SH2B2: variants seen among roughly 807,000 people sequenced by gnomAD.
The protein encoded by SH2B2 is SH2B adaptor protein 2.
SH2B2 carries 37 observed loss-of-function variants against 35.7 expected under a neutral mutation model. The ratio of observed to expected loss-of-function variants is 1.04; its 90% CI spans 0.80 to 1.36. SH2B2 has a LOEUF of 1.36. Among genes scored for constraint, SH2B2 ranks in the 40% most tolerant of loss-of-function variants. The pLI is 0.00. For missense variants in SH2B2, 852 were observed against 817.7 expected (o/e 1.04, Z -0.51); for synonymous variants, 383 against 376.4 (o/e 1.02, Z -0.20).
chr7:102,294,064 T>C (rs1178866226), intron 1 of SH2B2, among the ~76,000 whole-genome samples: 1 of 152,220 alleles, frequency 6.6e-6, no homozygotes, highest in African/African-American at 2.4e-5. Flanking sequence ...AGAGTCTCGC[T>C]CTGTTGCCCA....
intron 7 of SH2B2, among the ~76,000 whole-genome samples, 173 bp downstream of exon 7, chr7:102,317,568 C>T (rs546161096): frequency 9.8e-5 from 15 of 152,290 alleles, no homozygotes; most frequent in African/African-American, 3.6e-4. Flanking sequence ...ACCTGCGTCC[C>T]TCCTACACAT....
At chr7:102,289,172 A>C (rs1792575810) in intron 1 of SH2B2, among the ~76,000 whole-genome samples, 1 of 152,188 alleles carries the variant, frequency 6.6e-6, no homozygotes, top group Non-Finnish European at 1.5e-5. Flanking sequence ...GGCGTGCAGC[A>C]TCTTTTGGTT....
Position 102,289,286 on chromosome 7 carries a change from A to C in SH2B2, c.-30+2192A>C, listed in dbSNP as rs557543865. Among the ~76,000 whole-genome samples the C allele has an allele frequency of 4.6e-5, 7 of 152,104 alleles. No homozygotes were observed. In the East Asian group the frequency reaches 1.2e-3, roughly 25 times the overall value. ...GGGGAGGACAACCAGCCAGGAGCTCACGGTTCGGTGGAAGAGACAGGCCAC... is the reference window on the plus strand; with the variant it reads ...GGGGAGGACAACCAGCCAGGAGCTCCCGGTTCGGTGGAAGAGACAGGCCAC... On this transcript the variant is annotated intron_variant, in intron 1 of 8. Coordinates refer to ENST00000444095, the MANE Select transcript of SH2B2 (RefSeq NM_001359228.2).
intron 2 of SH2B2, among the ~76,000 whole-genome samples, chr7:102,302,403 G>C (rs1554554120): frequency 6.6e-6 from 1 of 152,250 alleles, no homozygotes; most frequent in Non-Finnish European, 1.5e-5. Context: ...TGGCCAGGGG[G>C]ATGCCAGGCT....
chr7:102,317,638 C>T (rs1451894568), intron 7 of SH2B2, among the ~76,000 whole-genome samples: 1 of 152,206 alleles, frequency 6.6e-6, no homozygotes, highest in Admixed American at 6.5e-5. Context: ...GGGGAGGCCA[C>T]CTACTGGCGG....
intron 1 of SH2B2, among the ~76,000 whole-genome samples, chr7:102,290,671 C>A (rs1167130181): frequency 6.6e-6 from 1 of 152,172 alleles, no homozygotes; most frequent in East Asian, 1.9e-4. Flanking sequence ...AGTCACCTCC[C>A]TCCCCAGAAC....
At chr7:102,290,464 C>T (rs1385362398) in intron 1 of SH2B2, among the ~76,000 whole-genome samples, 3 of 152,060 alleles carry the variant, frequency 2.0e-5, no homozygotes, top group African/African-American at 4.8e-5. Context: ...GGGGTTTCAC[C>T]GTGTTGGCCA....
intron 4 of SH2B2, among the ~76,000 whole-genome samples, chr7:102,310,302 C>T (rs571147644): frequency 6.6e-6 from 1 of 152,266 alleles, no homozygotes; most frequent in South Asian, 2.1e-4. Flanking sequence ...AGCGACAGAG[C>T]AAGACTGTCT....
At chr7:102,294,683 G>A (rs556763612) in intron 1 of SH2B2, among the ~76,000 whole-genome samples, 5 of 152,284 alleles carry the variant, frequency 3.3e-5, no homozygotes, top group Admixed American at 3.3e-4. Flanking sequence ...GTGCACTCCT[G>A]CCCCTGCCAC....
At chr7:102,308,793 TC>T in intron 3 of SH2B2, 21 bp from the exon 4 acceptor site, 2 of 1,600,764 alleles carry the variant, frequency 1.2e-6, no homozygotes, top group Non-Finnish European at 1.7e-6. Flanking sequence ...TGTTCTGCAC[TC>T]CCGGCCACCT....
At chr7:102,304,176 G>A (rs1354394174) in intron 2 of SH2B2, among the ~76,000 whole-genome samples, 1 of 152,148 alleles carries the variant, frequency 6.6e-6, no homozygotes, top group Non-Finnish European at 1.5e-5. Flanking sequence ...TTGCCTCCAA[G>A]AGGCCTAGAT....
chr7:102,298,022 G>C (rs1554552811), intron 1 of SH2B2, among the ~76,000 whole-genome samples: 1 of 152,140 alleles, frequency 6.6e-6, no homozygotes, highest in African/African-American at 2.4e-5. Flanking sequence ...AGCATTCCAG[G>C]CATGTGCAAA....
At chr7:102,302,141 A>G (rs1360755618) in intron 2 of SH2B2, among the ~76,000 whole-genome samples, 1 of 152,226 alleles carries the variant, frequency 6.6e-6, no homozygotes, top group Non-Finnish European at 1.5e-5. Flanking sequence ...GATTACAAGC[A>G]TGAGCCACTG....
At chr7:102,295,299 G>A (rs562770414) in intron 1 of SH2B2, among the ~76,000 whole-genome samples, 48 of 152,298 alleles carry the variant, frequency 3.2e-4, no homozygotes, top group Middle Eastern at 3.4e-3. Context: ...GCCCCCTGGG[G>A]GTCCTAATGG....
chr7:102,291,731 G>A (rs931859673), intron 1 of SH2B2, among the ~76,000 whole-genome samples: 4 of 152,216 alleles, frequency 2.6e-5, no homozygotes, highest in Non-Finnish European at 5.9e-5. Flanking sequence ...TGGTCTCTGC[G>A]GAGGTGAGCA....
At chr7:102,291,275 A>C (rs549620986) in intron 1 of SH2B2, among the ~76,000 whole-genome samples, 2 of 152,142 alleles carry the variant, frequency 1.3e-5, no homozygotes. Flanking sequence ...AAGGGCTCCC[A>C]CCCTCCCGTG....
intron 4 of SH2B2, among the ~76,000 whole-genome samples, chr7:102,309,948 T>C (rs937131504): frequency 2.6e-5 from 4 of 152,086 alleles, no homozygotes; most frequent in African/African-American, 9.7e-5. Context: ...GAGGCTGCAG[T>C]GATCTAGGAT....
chr7:102,304,015 A>T (rs1793298831), intron 2 of SH2B2, among the ~76,000 whole-genome samples: 3 of 152,024 alleles, frequency 2.0e-5, no homozygotes, highest in African/African-American at 7.2e-5. Context: ...AGTCATTCCC[A>T]TGGGAGGGCA....
upstream of SH2B2, among the ~76,000 whole-genome samples, chr7:102,285,993 C>G (rs941761097): frequency 1.1e-4 from 16 of 152,234 alleles, no homozygotes; most frequent in Non-Finnish European, 1.9e-4. Context: ...GCGCTGTGCC[C>G]TCAGCACCAG....
Sources: gnomAD v4.1 joint callset for allele counts (sites outside exome capture counted in the v4.1 genomes callset) on GRCh38, gnomAD v4.1.1 for gene constraint, MANE v1.5 for transcripts, NCBI Gene and HGNC (gene_info 2026-07-23, HGNC 2026-07-21) for gene names.